The following MARK1 variants were observed in gnomAD, a reference collection of about 807,000 sequenced individuals.
The protein encoded by MARK1 is microtubule affinity regulating kinase 1, also known as serine/threonine-protein kinase MARK1.
MARK1 carries 40 observed loss-of-function variants against 96.3 expected under a neutral mutation model. That is an observed-to-expected ratio of 0.42 (90% CI 0.32 to 0.54). The LOEUF (loss-of-function observed/expected upper bound fraction) is 0.54, where lower values mean the gene tolerates loss of function less well. Among genes scored for constraint, MARK1 ranks in the 20% least tolerant of loss-of-function variants. The pLI is 0.16. For missense variants in MARK1, 719 were observed against 984.6 expected (o/e 0.73, Z 3.61); for synonymous variants, 317 against 341.2 (o/e 0.93, Z 0.78).
intron 1 of MARK1, among the ~76,000 whole-genome samples, chr1:220,532,627 A>G (rs1389436814): frequency 1.3e-5 from 2 of 152,230 alleles, no homozygotes; most frequent in Admixed American, 6.5e-5. Context: ...TTCAAGGTGA[A>G]TAATGAAAAT....
intron 13 of MARK1, among the ~76,000 whole-genome samples, chr1:220,641,504 G>A (rs1442963395): frequency 6.6e-6 from 1 of 152,144 alleles, no homozygotes; most frequent in East Asian, 1.9e-4. Context: ...ATATATTTCT[G>A]TTGTTTATAA....
chr1:220,599,944 A>G (rs1005579355), intron 5 of MARK1, 81 bp downstream of exon 5: 41 of 828,920 alleles, frequency 4.9e-5, no homozygotes, highest in Non-Finnish European at 7.1e-5. Flanking sequence ...TATGACATTT[A>G]TGTCTTCAGT....
chr1:220,565,138 A>C (rs1046256347), intron 1 of MARK1, among the ~76,000 whole-genome samples: 1 of 152,226 alleles, frequency 6.6e-6, no homozygotes, highest in African/African-American at 2.4e-5. Context: ...AGAATAGAAC[A>C]GTAGATGTGA....
At chr1:220,652,208 A>G in intron 15 of MARK1, 58 bp downstream of exon 15, 3 of 1,365,378 alleles carry the variant, frequency 2.2e-6, no homozygotes, top group Non-Finnish European at 3.0e-6. Flanking sequence ...ATATAGCACC[A>G]TGTGAAAATA....
intron 16 of MARK1, 123 bp downstream of exon 16, chr1:220,653,475 CT>C (rs1669001136): frequency 2.9e-6 from 3 of 1,041,608 alleles, no homozygotes; most frequent in Middle Eastern, 3.2e-4. Context: ...TAGAGCTGCT[CT>C]TTTACAGAGT....
At chr1:220,635,695 T>A in intron 12 of MARK1, 138 bp from the exon 13 acceptor site, 1 of 1,142,202 alleles carries the variant, frequency 8.8e-7, no homozygotes, top group East Asian at 2.6e-5. Context: ...TGACCTGATT[T>A]TTGAAATCAA....
At chr1:220,554,636 A>G (rs557289489) in intron 1 of MARK1, among the ~76,000 whole-genome samples, 2 of 152,332 alleles carry the variant, frequency 1.3e-5, no homozygotes, top group East Asian at 3.9e-4. Flanking sequence ...CTTTACTAAC[A>G]GTTATAAATA....
chr1:220,561,631 G>A (rs1359497690), intron 1 of MARK1, among the ~76,000 whole-genome samples: 1 of 152,164 alleles, frequency 6.6e-6, no homozygotes, highest in Non-Finnish European at 1.5e-5. Context: ...GAAGATCCAT[G>A]CCATTTTGAG....
intron 1 of MARK1, among the ~76,000 whole-genome samples, chr1:220,567,077 G>A (rs922587865): frequency 6.6e-6 from 1 of 152,034 alleles, no homozygotes; most frequent in Non-Finnish European, 1.5e-5. Flanking sequence ...GTATATATAA[G>A]CAAATACAGA....
chr1:220,569,028 T>C (rs1262955297), intron 1 of MARK1, among the ~76,000 whole-genome samples: 1 of 152,216 alleles, frequency 6.6e-6, no homozygotes, highest in African/African-American at 2.4e-5. Flanking sequence ...ACCAATGATA[T>C]ATAAGTATGC....
At chr1:220,564,475 ATTG>A in intron 1 of MARK1, among the ~76,000 whole-genome samples, 1 of 152,266 alleles carries the variant, frequency 6.6e-6, no homozygotes, top group Non-Finnish European at 1.5e-5. Context: ...TATAGCGATA[ATTG>A]TTAAGAAGGT....
chr1:220,545,598 G>A (rs1402406630), intron 1 of MARK1, among the ~76,000 whole-genome samples: 4 of 151,736 alleles, frequency 2.6e-5, no homozygotes, highest in Admixed American at 1.3e-4. Flanking sequence ...TGCCATGCCT[G>A]GCTAATTTTT....
intron 15 of MARK1, 103 bp from the exon 16 acceptor site, chr1:220,652,997 AG>A: frequency 7.6e-7 from 1 of 1,309,592 alleles, no homozygotes; most frequent in Non-Finnish European, 1.1e-6. Flanking sequence ...CAAATAAAGT[AG>A]GGCCAAAAGA....
intron 12 of MARK1, 28 bp from the exon 13 acceptor site, chr1:220,635,805 C>T: frequency 6.6e-7 from 1 of 1,514,116 alleles, no homozygotes. Flanking sequence ...TTTTTCAGCT[C>T]ATTATGCTAT....
At chr1:220,660,824 C>T (rs57744862) in intron 17 of MARK1, among the ~76,000 whole-genome samples, 21,816 of 152,018 alleles carry the variant, frequency 0.14, 5,165 homozygotes, top group African/African-American at 0.49. Context: ...TCTAGATGCC[C>T]GAGATATATC....
chr1:220,629,969 G>A (rs1281027183), intron 9 of MARK1, among the ~76,000 whole-genome samples: 1 of 152,138 alleles, frequency 6.6e-6, no homozygotes, highest in Admixed American at 6.6e-5. Context: ...ATACCCAGAA[G>A]TGGGATTACT....
Position 220,592,422 on chromosome 1 carries a change from G to A in MARK1, c.310-5909G>A, listed in dbSNP as rs375686346. ...AGCTGACAGCCACCAAGAAGCCAGGGTCCTCAGTACTAACAGCTAAAAAGA... is the reference window on the plus strand; with the variant it reads ...AGCTGACAGCCACCAAGAAGCCAGGATCCTCAGTACTAACAGCTAAAAAGA... On this transcript the variant is annotated intron_variant, in intron 3 of 17. Transcript: ENST00000366917. Among the ~76,000 whole-genome samples the A allele has an allele frequency of 2.4e-4, 37 of 151,880 alleles. No homozygotes were observed. The East Asian group carries it at 6.4e-3, about 26-fold the overall frequency.
intron 3 of MARK1, among the ~76,000 whole-genome samples, chr1:220,589,512 A>G (rs946945139): frequency 1.3e-5 from 2 of 152,224 alleles, no homozygotes; most frequent in Non-Finnish European, 2.9e-5. Flanking sequence ...AGAATTGAAG[A>G]TTGTTTACTA....
chr1:220,584,960 C>T (rs1245738615), intron 3 of MARK1, among the ~76,000 whole-genome samples: 7 of 152,148 alleles, frequency 4.6e-5, no homozygotes, highest in Non-Finnish European at 1.0e-4. Context: ...GTTCTTGTCA[C>T]ATGTGTGGAT....
Sources: allele counts gnomAD v4.1 joint callset (sites outside exome capture counted in the v4.1 genomes callset), GRCh38; gene constraint gnomAD v4.1.1; transcripts MANE v1.5; gene names NCBI Gene and HGNC (gene_info 2026-07-23, HGNC 2026-07-21).